The following WDR35 variants were observed in gnomAD, a reference collection of about 807,000 sequenced individuals.
WDR35 encodes WD repeat domain 35, also known as WD repeat-containing protein 35.
In WDR35, 118 loss-of-function variants were observed where a neutral mutation model predicts 158.3. The ratio of observed to expected loss-of-function variants is 0.75; its 90% CI spans 0.64 to 0.87. The LOEUF (loss-of-function observed/expected upper bound fraction) is 0.87, where lower values mean the gene tolerates loss of function less well. Among genes scored for constraint, WDR35 ranks in the 40% least tolerant of loss-of-function variants. WDR35 has a pLI of 0.00. For synonymous variants in WDR35, 448 were observed against 476.1 expected (o/e 0.94, Z 0.77); for missense variants, 1,263 against 1,405.8 (o/e 0.90, Z 1.62).
chr2:19,986,227 T>C (rs887380091), intron 2 of WDR35, among the ~76,000 whole-genome samples: 27 of 152,040 alleles, frequency 1.8e-4, no homozygotes, highest in South Asian at 1.7e-3. Context: ...ATATCAAGAG[T>C]TCGGTTTTGA....
chr2:19,944,599 C>T (rs541733091), intron 16 of WDR35, among the ~76,000 whole-genome samples: 1 of 152,192 alleles, frequency 6.6e-6, no homozygotes, highest in Admixed American at 6.5e-5. Context: ...TCCCTTGGAC[C>T]CTTGAAAGAA....
chr2:19,938,251 C>T lies in WDR35; in HGVS notation c.2063+14G>A. On this transcript the variant is annotated intron_variant, in intron 18 of 26. Transcript: ENST00000281405. The stretch of plus-strand genomic sequence containing the variant: ...ACACCTGACATCCTGGGAGAGTTTG[C>T]TTTTTTTAAATACCAAAGTCGGGGG... 1 of 1,613,922 alleles carries T rather than the reference C, an allele frequency of 6.2e-7. No individual in the cohort carries two copies. The highest frequency in any genetic ancestry group is 8.5e-7 in the Non-Finnish European group (1 of 1,179,960).
intron 13 of WDR35, among the ~76,000 whole-genome samples, chr2:19,949,641 C>A (rs1187281946): frequency 6.6e-6 from 1 of 152,148 alleles, no homozygotes; most frequent in Non-Finnish European, 1.5e-5. Context: ...CACTGGAGAA[C>A]AAAGACACAC....
chr2:19,934,196 T>C lies in WDR35; in HGVS notation c.2548-685A>G, dbSNP rs569582523. Among the ~76,000 whole-genome samples the C allele has an allele frequency of 6.6e-6, 1 of 152,332 alleles. No homozygotes were observed. The highest frequency in any genetic ancestry group is 2.1e-4 in the South Asian group (1 of 4,832). On this transcript the variant is annotated intron_variant, in intron 21 of 26. Transcript: ENST00000281405. This position sits in a 1 kb window ranked among gnomAD's most constrained non-coding sequence, Gnocchi z 4.6. ...AACCCTTCTACAATATGTTTGGAAG[T>C]ATGAAAGTATATTTTATATCCAACT...
At chr2:19,961,389 C>T (rs368879741) in intron 10 of WDR35, among the ~76,000 whole-genome samples, 12 of 152,214 alleles carry the variant, frequency 7.9e-5, no homozygotes, top group African/African-American at 2.9e-4. Flanking sequence ...CTATAGACAT[C>T]TCAACTGGCT....
intron 14 of WDR35, among the ~76,000 whole-genome samples, chr2:19,947,414 A>G (rs1671093905): frequency 1.3e-5 from 2 of 152,222 alleles, no homozygotes; most frequent in South Asian, 4.1e-4. Flanking sequence ...TGTAACTAGA[A>G]CTAGAATATA....
At chr2:19,947,670 C>G (rs1671101744) in intron 14 of WDR35, among the ~76,000 whole-genome samples, 1 of 152,124 alleles carries the variant, frequency 6.6e-6, no homozygotes, top group Non-Finnish European at 1.5e-5. Context: ...AAAGCACTTT[C>G]TCCAACATAA....
chr2:19,946,136 G>A, intron 15 of WDR35, 140 bp from the exon 16 acceptor site: 1 of 956,496 alleles, frequency 1.0e-6, no homozygotes, highest in Non-Finnish European at 1.5e-6. Flanking sequence ...TTAAAATTTT[G>A]TTAAATAAAT....
intron 25 of WDR35, among the ~76,000 whole-genome samples, chr2:19,918,139 A>C (rs1455387658): frequency 6.6e-6 from 1 of 152,210 alleles, no homozygotes; most frequent in Non-Finnish European, 1.5e-5. Flanking sequence ...ATCCAACCAA[A>C]CTAAGCTTCA....
chr2:19,928,637 A>C (rs556545948), intron 25 of WDR35, among the ~76,000 whole-genome samples: 1 of 152,326 alleles, frequency 6.6e-6, no homozygotes, highest in South Asian at 2.1e-4. Flanking sequence ...ATGATTCCTA[A>C]GAGAAAAATA....
At chr2:19,951,292 A>T (rs1239139321) in intron 13 of WDR35, 123 bp downstream of exon 13, 1 of 881,748 alleles carries the variant, frequency 1.1e-6, no homozygotes, top group Non-Finnish European at 1.7e-6. Flanking sequence ...GGATTTTTTT[A>T]AAGAATTGCT....
At chr2:19,962,386 AG>A in intron 10 of WDR35, 1 of 1,568,354 alleles carries the variant, frequency 6.4e-7, no homozygotes, top group Admixed American at 1.7e-5. Flanking sequence ...AACTCAAAAA[AG>A]ACATGACTCA....
At chr2:19,937,372 T>C (rs998145181) in intron 19 of WDR35, among the ~76,000 whole-genome samples, 1 of 152,218 alleles carries the variant, frequency 6.6e-6, no homozygotes, top group African/African-American at 2.4e-5. Flanking sequence ...TTTTATTTTA[T>C]GCCTCTTGAC....
intron 25 of WDR35, among the ~76,000 whole-genome samples, chr2:19,917,886 C>T (rs751162317): frequency 6.6e-6 from 1 of 152,098 alleles, no homozygotes; most frequent in Non-Finnish European, 1.5e-5. Flanking sequence ...TCAGGAAATA[C>T]ACAGAACACC....
intron 9 of WDR35, among the ~76,000 whole-genome samples, chr2:19,968,649 C>T (rs1446308349): frequency 6.6e-6 from 1 of 152,138 alleles, no homozygotes; most frequent in Non-Finnish European, 1.5e-5. Context: ...TAAACTGTTC[C>T]AGGCTTACCT....
chr2:19,989,431 G>A, intron 1 of WDR35, 149 bp from the exon 2 acceptor site: 1 of 761,794 alleles, frequency 1.3e-6, no homozygotes. Flanking sequence ...AATGGGCATG[G>A]TCCCCTGAAC....
intron 15 of WDR35, among the ~76,000 whole-genome samples, 173 bp from the exon 16 acceptor site, chr2:19,946,169 C>A (rs1314927531): frequency 6.6e-6 from 1 of 152,182 alleles, no homozygotes; most frequent in Non-Finnish European, 1.5e-5. Flanking sequence ...ATGGACTACT[C>A]TCTATTTTGC....
chr2:19,980,906 A>T, intron 3 of WDR35, 123 bp from the exon 4 acceptor site: 1 of 806,648 alleles, frequency 1.2e-6, no homozygotes, highest in Non-Finnish European at 2.0e-6. Context: ...ACTAGTCTTT[A>T]ATATTCCTCA....
chr2:19,970,289 T>C (rs1455276265), intron 8 of WDR35, among the ~76,000 whole-genome samples: 2 of 152,186 alleles, frequency 1.3e-5, no homozygotes, highest in Non-Finnish European at 2.9e-5. Flanking sequence ...ATGAAATATT[T>C]TATTAGCAAA....
Sources: allele counts gnomAD v4.1 joint callset (sites outside exome capture counted in the v4.1 genomes callset), GRCh38; gene constraint gnomAD v4.1.1; non-coding constraint Gnocchi (gnomAD v3.1); transcripts MANE v1.5; gene names NCBI Gene and HGNC (gene_info 2026-07-23, HGNC 2026-07-21).